Variants in TVP23C observed in about 807,000 individuals in gnomAD.
TVP23C encodes trans-golgi network vesicle protein 23 homolog C.
TVP23C carries 19 observed loss-of-function variants against 28.7 expected under a neutral mutation model. The observed-to-expected ratio is 0.66, with a 90% CI of 0.46 to 0.97. The LOEUF is 0.97. Ranked by LOEUF, TVP23C falls within the 50% of genes least tolerant of loss-of-function variation. TVP23C has a pLI of 0.00. For missense variants in TVP23C, 186 were observed against 241.3 expected, an observed-to-expected ratio of 0.77 and a Z score of 1.52; for synonymous variants, 68 against 81.7, an observed-to-expected ratio of 0.83 and a Z score of 0.90.
At chr17:15,503,789 T>A (rs1981597880) in intron 5 of TVP23C, among the ~76,000 whole-genome samples, 1 of 152,160 alleles carries the variant, frequency 6.6e-6, no homozygotes, top group Non-Finnish European at 1.5e-5. Flanking sequence ...AAGGCCATCG[T>A]AAGGCTTCAT....
intron 5 of TVP23C, chr17:15,503,433 G>A (rs1447651627): frequency 3.3e-6 from 2 of 601,388 alleles, no homozygotes; most frequent in Non-Finnish European, 5.4e-6. Context: ...GGCAAAAGGT[G>A]ACCTGCTTTA....
chr17:15,547,172 G>A (rs746142789), intron 3 of TVP23C, 24 bp from the exon 4 acceptor site: 19 of 1,612,406 alleles, frequency 1.2e-5, no homozygotes, highest in Non-Finnish European at 1.4e-5. Context: ...ATATAAACAG[G>A]CACATTTTAA....
chr17:15,507,761 C>A (rs1435780390), intron 5 of TVP23C, among the ~76,000 whole-genome samples: 1 of 152,094 alleles, frequency 6.6e-6, no homozygotes, highest in Non-Finnish European at 1.5e-5. Context: ...ATGGCGTGAA[C>A]CCAGGAGGCG....
chr17:15,549,508 G>A (rs1367640131), intron 3 of TVP23C, among the ~76,000 whole-genome samples: 1 of 151,994 alleles, frequency 6.6e-6, no homozygotes, highest in Non-Finnish European at 1.5e-5. Context: ...GTGAAACCCT[G>A]CCTCTACTAA....
At chr17:15,511,053 C>CAAA (rs58794054) in intron 5 of TVP23C, among the ~76,000 whole-genome samples, 105 of 83,028 alleles carry the variant, frequency 1.3e-3, no homozygotes, top group Middle Eastern at 0.014. Flanking sequence ...GACTTCGTCT[C>CAAA]AAAAAAAAAA....
At chr17:15,524,503 A>G (rs1208233236) in intron 5 of TVP23C, among the ~76,000 whole-genome samples, 2 of 152,206 alleles carry the variant, frequency 1.3e-5, no homozygotes, top group African/African-American at 2.4e-5. Context: ...AGATAGGAAA[A>G]AGATAAGCAC....
In TVP23C at chr17:15,539,603, A is replaced by C. The variant is rs774282090; in HGVS notation, c.*809T>G. Reference sequence around the variant, plus strand: ...GGGCGACAGAGCAAGACTCCATCTCAAGAAAAAAAAAAAAAAAGACCTAGT... The same window carrying C: ...GGGCGACAGAGCAAGACTCCATCTCCAGAAAAAAAAAAAAAAAGACCTAGT... On this transcript the variant is annotated 3_prime_UTR_variant, in exon 6 of 6. Coordinates refer to ENST00000518321, the MANE Select transcript of TVP23C (RefSeq NM_001135036.2). The C allele has an allele frequency of 2.1e-6, 2 of 967,236 alleles. No individual in the cohort carries two copies. The highest frequency in any genetic ancestry group is 2.5e-6 in the Non-Finnish European group (2 of 814,292). 59.9% of individuals were successfully genotyped at this position (967,236 alleles called of 1,614,324 possible). A position where few individuals can be genotyped will look rare whatever the true frequency, so the allele number is the denominator to read the frequency against.
exon 6 of TVP23C, chr17:15,503,071 G>A (rs1447324256): frequency 6.2e-7 from 1 of 1,614,128 alleles, no homozygotes; most frequent in Non-Finnish European, 8.5e-7. Context: ...CTCGATCCGT[G>A]ATCCTCGTGA....
At chr17:15,521,554 T>C (rs1052300946) in intron 5 of TVP23C, among the ~76,000 whole-genome samples, 1 of 152,122 alleles carries the variant, frequency 6.6e-6, no homozygotes, top group African/African-American at 2.4e-5. Context: ...TAGTGGGTAT[T>C]GGTATAGGGA....
intron 5 of TVP23C, among the ~76,000 whole-genome samples, chr17:15,505,969 C>T (rs920545228): frequency 1.3e-5 from 2 of 152,256 alleles, no homozygotes; most frequent in African/African-American, 4.8e-5. Flanking sequence ...CTGAGCCTCC[C>T]ACCCGCTCCA....
At chr17:15,558,439 T>G (rs1984227841) in intron 1 of TVP23C, among the ~76,000 whole-genome samples, 1 of 146,048 alleles carries the variant, frequency 6.8e-6, no homozygotes, top group African/African-American at 2.5e-5. Flanking sequence ...CTCTGGAACC[T>G]GTGAATATGT....
At chr17:15,531,297 C>G (rs910162624) in intron 5 of TVP23C, among the ~76,000 whole-genome samples, 3 of 152,066 alleles carry the variant, frequency 2.0e-5, no homozygotes, top group Non-Finnish European at 2.9e-5. Context: ...CTGAGTTTAT[C>G]CTAGTTATAA....
intron 5 of TVP23C, among the ~76,000 whole-genome samples, chr17:15,517,389 G>A (rs1259224290): frequency 1.3e-5 from 2 of 152,202 alleles, no homozygotes; most frequent in Non-Finnish European, 2.9e-5. Context: ...TCTAACAGGT[G>A]CACAGTAGTT....
intron 5 of TVP23C, among the ~76,000 whole-genome samples, chr17:15,523,932 A>G (rs545291770): frequency 2.0e-4 from 30 of 152,362 alleles, no homozygotes; most frequent in Admixed American, 6.5e-5. Context: ...TATTTTTAAC[A>G]TGCCAAGAAG....
At chr17:15,554,004 A>C (rs2150859537) in intron 2 of TVP23C, among the ~76,000 whole-genome samples, 175 bp from the exon 3 acceptor site, 1 of 152,328 alleles carries the variant, frequency 6.6e-6, no homozygotes, top group East Asian at 1.9e-4. Context: ...AAGCCCCACT[A>C]TTTGACTAGG....
intron 3 of TVP23C, among the ~76,000 whole-genome samples, chr17:15,550,006 C>G (rs1983819355): frequency 6.6e-6 from 1 of 151,824 alleles, no homozygotes; most frequent in African/African-American, 2.4e-5. Flanking sequence ...AGAATACTTT[C>G]AAACTCTTCT....
rs564397410 is a variant in TVP23C, at chr17:15,558,155, G to A, written c.13-2791C>T. On this transcript the variant is annotated intron_variant, in intron 1 of 5. Transcript: ENST00000518321. ...ACGTACAGCAAGACTGAGATCCACC[G>A]TATGATGTTATGAATAAAAAGCTGA... Among the ~76,000 whole-genome samples the A allele has an allele frequency of 6.3e-4, 94 of 149,066 alleles. 12 individuals carry two copies. Among genetic ancestry groups the A allele is most frequent in the Non-Finnish European group, 6.9e-4 (46 of 66,574 alleles).
chr17:15,523,804 G>C (rs927073936), intron 5 of TVP23C, among the ~76,000 whole-genome samples: 2 of 152,026 alleles, frequency 1.3e-5, no homozygotes, highest in African/African-American at 4.8e-5. Flanking sequence ...TAGTAGAGAC[G>C]GGGATTCACC....
At chr17:15,534,924 T>G (rs2589708), downstream of TVP23C, among the ~76,000 whole-genome samples, 3 of 149,864 alleles carry the variant, frequency 2.0e-5, no homozygotes, top group Admixed American at 2.0e-4. Flanking sequence ...GCCAAGATTA[T>G]GGCACTGCAC....
Sources: allele counts gnomAD v4.1 joint callset (sites outside exome capture counted in the v4.1 genomes callset), GRCh38; gene constraint gnomAD v4.1.1; transcripts MANE v1.5; gene names NCBI Gene and HGNC (gene_info 2026-07-23, HGNC 2026-07-21).